The following SUGCT variants were observed in gnomAD, a reference collection of about 807,000 sequenced individuals.
The protein encoded by SUGCT is succinyl-CoA:glutarate-CoA transferase.
In SUGCT, 41 loss-of-function variants were observed where a neutral mutation model predicts 55.0. That is an observed-to-expected ratio of 0.74 (90% CI 0.58 to 0.97). The LOEUF is 0.97. Among genes scored for constraint, SUGCT ranks in the 50% least tolerant of loss-of-function variants. The probability of loss-of-function intolerance (pLI) is 0.00; values close to 1 mark genes in which losing one functional copy is unlikely to be tolerated. For missense variants in SUGCT, 568 were observed against 547.8 expected (o/e 1.04, Z -0.37); for synonymous variants, 187 against 200.4 (o/e 0.93, Z 0.56).
the SUGCT span, among the ~76,000 whole-genome samples, chr7:40,891,137 A>C: frequency 6.6e-6 from 1 of 152,196 alleles, no homozygotes; most frequent in African/African-American, 2.4e-5. Context: ...GAAAGGAGTC[A>C]AGAAAGTCTA....
At chr7:40,389,381 G>A (rs1197209234) in intron 9 of SUGCT, among the ~76,000 whole-genome samples, 1 of 152,050 alleles carries the variant, frequency 6.6e-6, no homozygotes, top group African/African-American at 2.4e-5. Context: ...GAGCCCAGGA[G>A]GCAGAGGTTG....
chr7:40,402,602 T>C (rs184244943), intron 9 of SUGCT, among the ~76,000 whole-genome samples: 1 of 152,294 alleles, frequency 6.6e-6, no homozygotes, highest in African/African-American at 2.4e-5. Flanking sequence ...TTCTGTTCTT[T>C]CTTAAAAATC....
At chr7:40,974,768 T>C in the SUGCT span, among the ~76,000 whole-genome samples, 1 of 152,198 alleles carries the variant, frequency 6.6e-6, no homozygotes, top group East Asian at 1.9e-4. Context: ...CTGAAATCTC[T>C]TCTTGGGAAA....
At chr7:40,994,717 G>A in the SUGCT span, among the ~76,000 whole-genome samples, 2 of 152,148 alleles carry the variant, frequency 1.3e-5, no homozygotes, top group Admixed American at 1.3e-4. Flanking sequence ...TGGAGGTGGG[G>A]CCTGGTAGGA....
At chr7:40,847,411 CTTTTTTTTTT>C (rs981613426) in intron 13 of SUGCT, among the ~76,000 whole-genome samples, 8 of 75,398 alleles carry the variant, frequency 1.1e-4, no homozygotes, top group South Asian at 5.9e-4. Context: ...TTCTTTCTTT[CTTTTTTTTTT>C]TTTTTTTTTT....
chr7:40,970,881 T>A, the SUGCT span, among the ~76,000 whole-genome samples: 6 of 152,156 alleles, frequency 3.9e-5, no homozygotes, highest in African/African-American at 1.4e-4. Context: ...TGACTTTACA[T>A]GCTGGGACAT....
At chr7:40,587,576 T>A (rs1431403643) in intron 12 of SUGCT, among the ~76,000 whole-genome samples, 7 of 152,208 alleles carry the variant, frequency 4.6e-5, no homozygotes, top group African/African-American at 7.2e-5. Flanking sequence ...ACATTAAATG[T>A]TTATTCAATT....
intron 9 of SUGCT, among the ~76,000 whole-genome samples, chr7:40,352,697 G>A (rs1797696604): frequency 6.6e-6 from 1 of 152,128 alleles, no homozygotes; most frequent in Non-Finnish European, 1.5e-5. Context: ...CATTTAGGTT[G>A]ATCCCATGTT....
intron 12 of SUGCT, among the ~76,000 whole-genome samples, chr7:40,649,123 C>T (rs1288010132): frequency 6.6e-6 from 1 of 151,752 alleles, no homozygotes; most frequent in Non-Finnish European, 1.5e-5. Flanking sequence ...TGAGCTTTTT[C>T]TTTGCTTATA....
At chr7:40,438,418 G>T (rs1171612677) in intron 9 of SUGCT, among the ~76,000 whole-genome samples, 2 of 152,118 alleles carry the variant, frequency 1.3e-5, no homozygotes, top group Non-Finnish European at 2.9e-5. Context: ...TCTTGTAAAA[G>T]ATCTCCCTCT....
the SUGCT span, among the ~76,000 whole-genome samples, chr7:40,916,605 C>T: frequency 1.5e-4 from 23 of 152,316 alleles, no homozygotes; most frequent in East Asian, 4.4e-3. Context: ...CACTTGAATA[C>T]TTCTCTTTCT....
chr7:40,485,838 T>C (rs1161011746), intron 11 of SUGCT, among the ~76,000 whole-genome samples: 2 of 152,172 alleles, frequency 1.3e-5, no homozygotes, highest in Non-Finnish European at 2.9e-5. Context: ...ATGTATCAGG[T>C]TTATTGACAT....
chr7:40,454,717 A>G (rs918246388), intron 10 of SUGCT, among the ~76,000 whole-genome samples: 1 of 152,188 alleles, frequency 6.6e-6, no homozygotes, highest in Non-Finnish European at 1.5e-5. Context: ...CATGTTTAAA[A>G]GGCTGAATGG....
intron 9 of SUGCT, among the ~76,000 whole-genome samples, chr7:40,361,132 G>A (rs1798130113): frequency 6.6e-6 from 1 of 152,080 alleles, no homozygotes; most frequent in African/African-American, 2.4e-5. Flanking sequence ...GGAGAAATGA[G>A]GGAGTAATGA....
rs143905854 is a variant in SUGCT, at chr7:40,311,617, G to A, written c.721-5143G>A. ...CTATGCCAACCCCTTTCCTGCCTTTGAGCTTTCGCACATGTTACTCTTTGT... is the reference window on the plus strand; with the variant it reads ...CTATGCCAACCCCTTTCCTGCCTTTAAGCTTTCGCACATGTTACTCTTTGT... On this transcript the variant is annotated intron_variant, in intron 8 of 13. Transcript: ENST00000335693. 7.9e-5 allele frequency among the ~76,000 whole-genome samples: 12 copies of A among 152,156 alleles called. No homozygotes were observed. In the East Asian group the frequency reaches 2.3e-3, roughly 29 times the overall value.
chr7:40,255,508 A>G (rs1171872887), intron 7 of SUGCT, among the ~76,000 whole-genome samples: 4 of 151,506 alleles, frequency 2.6e-5, no homozygotes, highest in Non-Finnish European at 1.5e-5. Flanking sequence ...CTAAAATACA[A>G]AAATTAGCCG....
intron 9 of SUGCT, among the ~76,000 whole-genome samples, chr7:40,386,029 A>G (rs1223128323): frequency 6.6e-6 from 1 of 152,218 alleles, no homozygotes; most frequent in Admixed American, 6.5e-5. Context: ...ATTTTTACAC[A>G]CAAAGAAGTA....
chr7:40,457,946 C>T (rs558827144), intron 10 of SUGCT, among the ~76,000 whole-genome samples: 12 of 152,246 alleles, frequency 7.9e-5, no homozygotes, highest in African/African-American at 2.9e-4. Context: ...GGTGTTGTGA[C>T]AGGGAGGTTT....
intron 9 of SUGCT, among the ~76,000 whole-genome samples, chr7:40,352,237 ATTTGTGTG>A (rs1415332580): frequency 6.6e-6 from 1 of 152,072 alleles, no homozygotes; most frequent in Non-Finnish European, 1.5e-5. Context: ...TTTTGCATGC[ATTTGTGTG>A]TTTGTGTGTG....
Sources: gnomAD v4.1 joint callset for allele counts (sites outside exome capture counted in the v4.1 genomes callset) on GRCh38, gnomAD v4.1.1 for gene constraint, MANE v1.5 for transcripts, NCBI Gene and HGNC (gene_info 2026-07-23, HGNC 2026-07-21) for gene names.